The following PPP6C variants were observed in gnomAD, a reference collection of about 807,000 sequenced individuals.
PPP6C encodes protein phosphatase 6 catalytic subunit.
A neutral mutation model predicts 39.8 loss-of-function variants in PPP6C; 11 were observed. That is an observed-to-expected ratio of 0.28 (90% CI 0.17 to 0.46). The LOEUF (loss-of-function observed/expected upper bound fraction) is 0.46. Among genes scored for constraint, PPP6C ranks in the 20% least tolerant of loss-of-function variants. The probability of loss-of-function intolerance (pLI) is 1.00; values close to 1 mark genes in which losing one functional copy is unlikely to be tolerated. For missense variants in PPP6C, 211 were observed against 373.9 expected (o/e 0.56, Z 3.59); for synonymous variants, 129 against 130.3 (o/e 0.99, Z 0.07).
intron 3 of PPP6C, among the ~76,000 whole-genome samples, chr9:125,158,650 C>A (rs535120327): frequency 6.6e-6 from 1 of 151,254 alleles, no homozygotes; most frequent in South Asian, 2.1e-4. Context: ...AAAAAAAAAA[C>A]CACCATTTTT....
intron 3 of PPP6C, among the ~76,000 whole-genome samples, chr9:125,159,474 T>A (rs1828807734): frequency 6.6e-6 from 1 of 151,994 alleles, no homozygotes; most frequent in Admixed American, 6.6e-5. Context: ...CCCAAGTAGC[T>A]GGGACTACAG....
At chr9:125,177,192 A>G (rs360005) in intron 1 of PPP6C, among the ~76,000 whole-genome samples, 71,951 of 151,510 alleles carry the variant, frequency 0.47, 17,510 homozygotes, top group East Asian at 0.61. Flanking sequence ...GGCTAACACA[A>G]TGAAACCCCA....
rs549334686 is a variant in PPP6C at position 125,177,134 on chromosome 9, G to C, written c.76-5954C>G. On this transcript the variant is annotated intron_variant, in intron 1 of 6. Transcript: ENST00000373547. ...TCACGCCTGTAATCCCAGCACTTTG[G>C]GGGGTCGAGGCAGGCGGATCACGAG... is the stretch of plus-strand genomic sequence containing the variant. Among the ~76,000 whole-genome samples, 16 of 152,062 alleles carry C rather than the reference G, an allele frequency of 1.1e-4. No homozygotes were observed. In the South Asian group the frequency reaches 1.7e-3, roughly 16 times the overall value.
At chr9:125,172,010 A>G (rs189529873) in intron 1 of PPP6C, 162 of 462,900 alleles carry the variant, frequency 3.5e-4, no homozygotes, top group African/African-American at 2.9e-3. Context: ...AACTAAAAAC[A>G]AATCAGATAT....
At chr9:125,164,494 C>T (rs959991492) in intron 2 of PPP6C, among the ~76,000 whole-genome samples, 1 of 152,122 alleles carries the variant, frequency 6.6e-6, no homozygotes. Context: ...TCCCAAAGTG[C>T]TAGGATTACA....
At chr9:125,161,373 A>G (rs888564234) in intron 2 of PPP6C, among the ~76,000 whole-genome samples, 11 of 152,138 alleles carry the variant, frequency 7.2e-5, no homozygotes, top group Non-Finnish European at 1.2e-4. Context: ...AGAGTTATAT[A>G]CCCTCAGGCT....
intron 4 of PPP6C, among the ~76,000 whole-genome samples, chr9:125,154,421 C>T (rs190076662): frequency 6.6e-6 from 1 of 152,266 alleles, no homozygotes; most frequent in East Asian, 1.9e-4. Context: ...TTTTCAGCTC[C>T]GTTTTATCTA....
Position 125,149,970 on chromosome 9 carries a change from G to T in PPP6C, c.670-49C>A, listed in dbSNP as rs184113990. On this transcript the variant is annotated intron_variant, in intron 6 of 6. Coordinates refer to ENST00000373547, the MANE Select transcript of PPP6C (RefSeq NM_002721.5). ...AGTACTTAGCACTTAAAAAACAATC[G>T]GCCTACATAATCATTTAAATAAAAT... 10 of 1,578,966 alleles carry T rather than the reference G, an allele frequency of 6.3e-6. No individual in the cohort carries two copies. In the East Asian group the frequency reaches 2.0e-4, roughly 32 times the overall value.
intron 4 of PPP6C, 111 bp downstream of exon 4, chr9:125,158,130 G>A: frequency 1.8e-6 from 2 of 1,095,830 alleles, no homozygotes; most frequent in Non-Finnish European, 2.6e-6. Context: ...GTGAAGGAGT[G>A]AGGATGTGGG....
At chr9:125,170,756 C>T (rs1423699184) in intron 2 of PPP6C, among the ~76,000 whole-genome samples, 1 of 152,142 alleles carries the variant, frequency 6.6e-6, no homozygotes, top group South Asian at 2.1e-4. Flanking sequence ...ACCAAAACAT[C>T]TCCTGTTAAT....
Position 125,164,216 on chromosome 9 carries a change from C to CTTTT in PPP6C, c.172-3311_172-3310insAAAA, listed in dbSNP as rs1307179998. ...ATCTACTCTATGTCTCTCCCTCACT[C>CTTTT]TCTTTTTTTTTTTTTTTTTTTTTTT... On this transcript the variant is annotated intron_variant, in intron 2 of 6. Coordinates refer to ENST00000373547, the MANE Select transcript of PPP6C (RefSeq NM_002721.5). 2.8e-4 allele frequency among the ~76,000 whole-genome samples: 33 copies of CTTTT among 119,796 alleles called. 6 individuals carry two copies. Among genetic ancestry groups the CTTTT allele is most frequent in the Middle Eastern group, 5.0e-3 (1 of 202 alleles). 78.6% of individuals were successfully genotyped at this position (119,796 alleles called of 152,430 possible).
At chr9:125,155,943 A>G (rs1441528383) in intron 4 of PPP6C, among the ~76,000 whole-genome samples, 6 of 151,632 alleles carry the variant, frequency 4.0e-5, no homozygotes, top group Non-Finnish European at 8.8e-5. Flanking sequence ...TTAGCCATAT[A>G]TAACAATATG....
chr9:125,156,740 GCTCGCTCTCTCTCT>G (rs1029150916), intron 4 of PPP6C, among the ~76,000 whole-genome samples: 3 of 134,092 alleles, frequency 2.2e-5, no homozygotes, highest in Admixed American at 7.4e-5. Context: ...TTCCTAATAA[GCTCGCTCTCTCTCT>G]CTCTCTCTCT....
intron 1 of PPP6C, among the ~76,000 whole-genome samples, chr9:125,182,342 TAAAA>T (rs200068134): frequency 6.6e-6 from 1 of 151,144 alleles, no homozygotes; most frequent in African/African-American, 2.4e-5. Flanking sequence ...CTCTTAGCTT[TAAAA>T]AAAAAGATCT....
chr9:125,156,245 G>A (rs1836070992), intron 4 of PPP6C, among the ~76,000 whole-genome samples: 1 of 152,146 alleles, frequency 6.6e-6, no homozygotes, highest in African/African-American at 2.4e-5. Flanking sequence ...GATAATGGCA[G>A]ACAAACTGAA....
At chr9:125,186,227 A>G (rs1038628090) in intron 1 of PPP6C, among the ~76,000 whole-genome samples, 7 of 152,040 alleles carry the variant, frequency 4.6e-5, no homozygotes, top group Admixed American at 4.6e-4. Context: ...TTACAGCCTC[A>G]GAAAAAGTAC....
In PPP6C at chr9:125,154,099, C is replaced by T. The variant is rs968123069; in HGVS notation, c.380-114G>A. 21 of 759,996 alleles carry T rather than the reference C, an allele frequency of 2.8e-5. No individual in the cohort carries two copies. In the African/African-American group the frequency reaches 3.7e-4, roughly 13 times the overall value. 47.1% of individuals were successfully genotyped at this position (759,996 alleles called of 1,614,324 possible). A position where few individuals can be genotyped will look rare whatever the true frequency, so the allele number is the denominator to read the frequency against. ...AGAAATTCAGCTTAAACTAGGATAGCAAGATATGACACATATTTAGTCCTG... is the reference window on the plus strand; with the variant it reads ...AGAAATTCAGCTTAAACTAGGATAGTAAGATATGACACATATTTAGTCCTG... On this transcript the variant is annotated intron_variant, in intron 4 of 6. Transcript: ENST00000373547.
chr9:125,156,807 C>G (rs1325609705), intron 4 of PPP6C, among the ~76,000 whole-genome samples: 1 of 149,260 alleles, frequency 6.7e-6, no homozygotes, highest in East Asian at 2.0e-4. Flanking sequence ...AAAGAATTAG[C>G]TAGTTTGCTT....
At chr9:125,181,723 T>A (rs1465261304) in intron 1 of PPP6C, among the ~76,000 whole-genome samples, 4 of 152,200 alleles carry the variant, frequency 2.6e-5, no homozygotes, top group African/African-American at 9.7e-5. Context: ...TTGAGCTAGT[T>A]CCAAGTCTTT....
Sources: allele counts gnomAD v4.1 joint callset (sites outside exome capture counted in the v4.1 genomes callset), GRCh38; gene constraint gnomAD v4.1.1; transcripts MANE v1.5; gene names NCBI Gene and HGNC (gene_info 2026-07-23, HGNC 2026-07-21).